Variants in DSCAM observed in about 807,000 individuals in gnomAD.
The protein encoded by DSCAM is cell adhesion molecule DSCAM.
Under a neutral mutation model 217.7 loss-of-function variants are expected in DSCAM, and 47 were observed. The ratio of observed to expected loss-of-function variants is 0.22; its 90% CI spans 0.17 to 0.28. The LOEUF is 0.28. Among genes scored for constraint, DSCAM ranks in the 10% least tolerant of loss-of-function variants. The pLI, the probability that DSCAM is intolerant of heterozygous loss-of-function variation, is 1.00. For missense variants in DSCAM, 2,080 were observed against 2,618.3 expected (o/e 0.79, Z 4.49); for synonymous variants, 1,056 against 1,015.3 (o/e 1.04, Z -0.76).
At chr21:40,067,730 TC>T (rs2089230277) in intron 27 of DSCAM, among the ~76,000 whole-genome samples, 1 of 49,894 alleles carries the variant, frequency 2.0e-5, no homozygotes, top group Non-Finnish European at 3.4e-5. Flanking sequence ...CCTCATTCCC[TC>T]CCTCCCCTCA....
intron 3 of DSCAM, among the ~76,000 whole-genome samples, chr21:40,570,955 G>T (rs1380000857): frequency 6.6e-6 from 1 of 152,124 alleles, no homozygotes; most frequent in Non-Finnish European, 1.5e-5. Flanking sequence ...AATATTTTAA[G>T]AGACAATAGC....
intron 1 of DSCAM, among the ~76,000 whole-genome samples, chr21:40,761,268 T>G (rs1337304978): frequency 6.6e-6 from 1 of 152,154 alleles, no homozygotes; most frequent in East Asian, 1.9e-4. Context: ...TTATCAAATG[T>G]TTTTAGGAGA....
chr21:40,069,308 A>G (rs957764057), intron 27 of DSCAM, among the ~76,000 whole-genome samples: 4 of 152,146 alleles, frequency 2.6e-5, no homozygotes, highest in African/African-American at 9.7e-5. Context: ...TGGTTGGATG[A>G]GGAGGCTCCC....
chr21:40,433,140 C>T (rs531744266), intron 3 of DSCAM, among the ~76,000 whole-genome samples: 160 of 151,878 alleles, frequency 1.1e-3, no homozygotes, highest in African/African-American at 3.0e-3. Flanking sequence ...GGGTGAATCA[C>T]GAGGTCAGAA....
chr21:40,309,733 C>T (rs534678026), intron 9 of DSCAM, among the ~76,000 whole-genome samples: 1 of 152,298 alleles, frequency 6.6e-6, no homozygotes, highest in Admixed American at 6.5e-5. Flanking sequence ...GTTTTATTTG[C>T]TTTACCGCCA....
At chr21:40,022,961 T>C (rs199635281) in intron 32 of DSCAM, among the ~76,000 whole-genome samples, 7 of 152,044 alleles carry the variant, frequency 4.6e-5, no homozygotes, top group African/African-American at 1.4e-4. Flanking sequence ...CATGCTGGTG[T>C]GCTGCACCCA....
At chr21:40,233,348 A>C (rs566440885) in intron 11 of DSCAM, among the ~76,000 whole-genome samples, 1 of 152,324 alleles carries the variant, frequency 6.6e-6, no homozygotes, top group East Asian at 1.9e-4. Context: ...CTTCACTCAA[A>C]AGCATCTGCA....
intron 3 of DSCAM, among the ~76,000 whole-genome samples, chr21:40,639,996 C>T (rs968767286): frequency 1.3e-5 from 2 of 152,158 alleles, no homozygotes; most frequent in African/African-American, 2.4e-5. Context: ...AATAGTGCTG[C>T]CTGTGTGGTG....
chr21:40,557,947 G>A (rs1319401145), intron 3 of DSCAM, among the ~76,000 whole-genome samples: 1 of 152,184 alleles, frequency 6.6e-6, no homozygotes, highest in African/African-American at 2.4e-5. Flanking sequence ...AGCAATACCT[G>A]TTTACTGATC....
intron 3 of DSCAM, among the ~76,000 whole-genome samples, chr21:40,615,829 T>C (rs1044928935): frequency 1.3e-5 from 2 of 152,030 alleles, no homozygotes; most frequent in African/African-American, 4.8e-5. Flanking sequence ...TCTTCGGCTC[T>C]ATTAAAAAAA....
intron 1 of DSCAM, among the ~76,000 whole-genome samples, chr21:40,828,201 A>G (rs2091985071): frequency 6.6e-6 from 1 of 152,152 alleles, no homozygotes; most frequent in Admixed American, 6.5e-5. Flanking sequence ...CCAGGAGTTC[A>G]AGACCAGCCC....
intron 1 of DSCAM, among the ~76,000 whole-genome samples, chr21:40,723,461 C>G (rs529917606): frequency 5.9e-5 from 9 of 152,206 alleles, no homozygotes; most frequent in African/African-American, 2.2e-4. Flanking sequence ...TCTTGCATCA[C>G]ACTGTCATCA....
intron 16 of DSCAM, among the ~76,000 whole-genome samples, chr21:40,159,966 T>C (rs16999420): frequency 0.069 from 10,558 of 152,248 alleles, 727 homozygotes; most frequent in African/African-American, 0.18. Context: ...TATTGGGAGA[T>C]ATTTGCCATC....
chr21:40,563,356 G>A (rs1275965599), intron 3 of DSCAM, among the ~76,000 whole-genome samples: 1 of 151,194 alleles, frequency 6.6e-6, no homozygotes, highest in African/African-American at 2.4e-5. Context: ...CCTATATTTT[G>A]AAATACAGGT....
At chr21:40,743,526 C>T (rs980420870) in intron 1 of DSCAM, among the ~76,000 whole-genome samples, 13 of 152,164 alleles carry the variant, frequency 8.5e-5, no homozygotes, top group Admixed American at 1.3e-4. Context: ...AAGAGGTTAA[C>T]CTGCTAGAGA....
intron 3 of DSCAM, among the ~76,000 whole-genome samples, chr21:40,575,996 G>A (rs966766523): frequency 2.6e-5 from 4 of 152,274 alleles, no homozygotes; most frequent in South Asian, 2.1e-4. Flanking sequence ...ATGAAAAGTT[G>A]GAGAGAATAT....
chr21:40,790,882 A>C (rs933118261), intron 1 of DSCAM, among the ~76,000 whole-genome samples: 1 of 152,124 alleles, frequency 6.6e-6, no homozygotes, highest in African/African-American at 2.4e-5. Flanking sequence ...TTCATAGAAA[A>C]ATACATTCAA....
At chr21:40,302,526 G>A (rs927705338) in intron 9 of DSCAM, among the ~76,000 whole-genome samples, 6 of 152,086 alleles carry the variant, frequency 3.9e-5, no homozygotes, top group Non-Finnish European at 7.4e-5. Flanking sequence ...AATACAGAGC[G>A]GTTTTTCTGG....
intron 30 of DSCAM, among the ~76,000 whole-genome samples, chr21:40,047,391 C>T (rs1369735030): frequency 6.6e-6 from 1 of 152,114 alleles, no homozygotes; most frequent in South Asian, 2.1e-4. Context: ...TTGTTAGGCT[C>T]CCAGCATTCT....
Sources: allele counts gnomAD v4.1 joint callset (sites outside exome capture counted in the v4.1 genomes callset), GRCh38; gene constraint gnomAD v4.1.1; transcripts MANE v1.5; gene names NCBI Gene and HGNC (gene_info 2026-07-23, HGNC 2026-07-21).